ABLIM2: variants seen among roughly 807,000 people sequenced by gnomAD.
The protein encoded by ABLIM2 is actin binding LIM protein family member 2, also known as actin-binding LIM protein 2.
A neutral mutation model predicts 97.7 loss-of-function variants in ABLIM2; 53 were observed. The ratio of observed to expected loss-of-function variants is 0.54; its 90% CI spans 0.44 to 0.68. ABLIM2 has a LOEUF of 0.68. ABLIM2 is among the 30% of genes least tolerant of loss of function. ABLIM2 has a pLI of 0.00. For missense variants in ABLIM2, 835 were observed against 867.2 expected (o/e 0.96, Z 0.47); for synonymous variants, 361 against 345.8 (o/e 1.04, Z -0.49).
intron 3 of ABLIM2, among the ~76,000 whole-genome samples, chr4:8,093,300 C>G (rs1014600379): frequency 2.0e-5 from 3 of 152,228 alleles, no homozygotes; most frequent in Non-Finnish European, 4.4e-5. Context: ...ACATGGCACT[C>G]TCTGCCAGCT....
At position 8,127,437 on chromosome 4, in the gene ABLIM2, C is replaced by A; in HGVS notation, c.11-20800G>T. Reference sequence around the variant, plus strand: ...CTGGACCCGTCCTTTCCCACCAGACCCCTGAAGCTGATTCATGGAGCTCAC... The same window carrying A: ...CTGGACCCGTCCTTTCCCACCAGACACCTGAAGCTGATTCATGGAGCTCAC... On this transcript the variant is annotated intron_variant, in intron 1 of 20. Transcript: ENST00000447017. This position sits in a 1 kb window ranked among gnomAD's most constrained non-coding sequence, Gnocchi z 7.3. 4 of 1,239,034 alleles carry A rather than the reference C, an allele frequency of 3.2e-6. No homozygotes were observed. The highest frequency in any genetic ancestry group is 1.3e-5 in the South Asian group (1 of 77,714). 76.8% of individuals were successfully genotyped at this position (1,239,034 alleles called of 1,614,324 possible). A position where few individuals can be genotyped will look rare whatever the true frequency, so the allele number is the denominator to read the frequency against.
At chr4:8,092,693 AC>A (rs1158201319) in intron 3 of ABLIM2, among the ~76,000 whole-genome samples, 2 of 151,288 alleles carry the variant, frequency 1.3e-5, no homozygotes, top group African/African-American at 4.9e-5. Context: ...AGTGTCCCAA[AC>A]CCCCTTTGGA....
chr4:8,046,012 C>T lies in ABLIM2; in HGVS notation c.823-771G>A, dbSNP rs886367784. Among the ~76,000 whole-genome samples, 1 of 152,198 alleles carries T rather than the reference C, an allele frequency of 6.6e-6. No individual in the cohort carries two copies. Among genetic ancestry groups the T allele is most frequent in the Admixed American group, 6.5e-5 (1 of 15,286 alleles). The stretch of plus-strand genomic sequence containing the variant: ...CCTTTCTCAGCTCAAAGAGCACCTG[C>T]TCCCACCTGACACACAACTTAGAAA... On this transcript the variant is annotated intron_variant, in intron 8 of 20. Transcript: ENST00000447017. The surrounding 1 kb of genome is among the most constrained non-coding windows in gnomAD (Gnocchi z 4.4).
chr4:8,021,552 G>A lies in ABLIM2; in HGVS notation c.1268-1249C>T, dbSNP rs1210493601. 2.6e-5 allele frequency among the ~76,000 whole-genome samples: 4 copies of A among 152,196 alleles called. No homozygotes were observed. The highest frequency in any genetic ancestry group is 1.9e-4 in the East Asian group (1 of 5,180). On this transcript the variant is annotated intron_variant, in intron 12 of 20. Coordinates refer to ENST00000447017, the MANE Select transcript of ABLIM2 (RefSeq NM_001130083.2). This position sits in a 1 kb window ranked among gnomAD's most constrained non-coding sequence, Gnocchi z 5.5. ...GCCTTTCAGAGCAGCAGGACCCTGCGGTGACATCGAAATGAAACAGAAATA... is the reference window on the plus strand; with the variant it reads ...GCCTTTCAGAGCAGCAGGACCCTGCAGTGACATCGAAATGAAACAGAAATA...
rs919509657 is a variant in ABLIM2, at chr4:8,072,398, G to C, written c.675+5230C>G. Reference sequence around the variant, plus strand: ...AGGCAGAGCAGCCCCAGTTTGGGTGGGGTCTGCCCCCGACCCCAGGCCAGG... The same window carrying C: ...AGGCAGAGCAGCCCCAGTTTGGGTGCGGTCTGCCCCCGACCCCAGGCCAGG... On this transcript the variant is annotated intron_variant, in intron 6 of 20. Coordinates refer to ENST00000447017, the MANE Select transcript of ABLIM2 (RefSeq NM_001130083.2). The surrounding 1 kb of genome is among the most constrained non-coding windows in gnomAD (Gnocchi z 5.8). Among the ~76,000 whole-genome samples the C allele has an allele frequency of 3.3e-5, 5 of 152,202 alleles. No homozygotes were observed. The highest frequency in any genetic ancestry group is 7.3e-5 in the Non-Finnish European group (5 of 68,036).
intron 20 of ABLIM2, among the ~76,000 whole-genome samples, chr4:7,971,099 T>TAGGCTGAGTCTCCTA (rs1202070858): frequency 6.6e-6 from 1 of 152,116 alleles, no homozygotes; most frequent in Admixed American, 6.5e-5. Context: ...ACACCTCACC[T>TAGGCTGAGTCTCCTA]GGCTGAGTCT....
At chr4:7,980,409 G>C (rs191785889) in intron 20 of ABLIM2, among the ~76,000 whole-genome samples, 1 of 151,976 alleles carries the variant, frequency 6.6e-6, no homozygotes, top group Admixed American at 6.6e-5. Flanking sequence ...TATATTTTTT[G>C]GCATATTTTA....
In ABLIM2 at chr4:8,005,915, C is replaced by G. The variant is rs1042947166; in HGVS notation, c.1618+2144G>C. ...CCCCGGGGAATTCATGAGTGCAGCACGGGCCATTGGAGTCCTGCAGACCCA... is the reference window on the plus strand; with the variant it reads ...CCCCGGGGAATTCATGAGTGCAGCAGGGGCCATTGGAGTCCTGCAGACCCA... On this transcript the variant is annotated intron_variant, in intron 16 of 20. Transcript: ENST00000447017. The surrounding 1 kb of genome is among the most constrained non-coding windows in gnomAD (Gnocchi z 4.9). 1.3e-5 allele frequency among the ~76,000 whole-genome samples: 2 copies of G among 152,212 alleles called. No homozygotes were observed. The highest frequency in any genetic ancestry group is 2.9e-5 in the Non-Finnish European group (2 of 68,038).
rs929343197 is a variant in ABLIM2 at position 8,045,219 on chromosome 4, C to T, written c.845G>A (p.Ser282Asn). The stretch of plus-strand genomic sequence containing the variant: ...GCTGGAAGCAGGGACAGAAATGATG[C>T]TCTCTGAGGAAGTTCTGGTTTCCTG... ...RNKETRTSSE[S>N]IISVPASSTS... Residue 282 changes from serine to asparagine, a missense_variant, in exon 9 of 21, where the codon AGC (serine) becomes AAC (asparagine). Physicochemically the swap from Ser to Asn is conservative, Grantham distance 46. Transcript: ENST00000447017. 4.3e-6 allele frequency: 7 copies of T among 1,613,878 alleles called. No individual in the cohort carries two copies. In the African/African-American group the frequency reaches 6.7e-5, roughly 15 times the overall value.
intron 1 of ABLIM2, among the ~76,000 whole-genome samples, chr4:8,158,030 T>C (rs1323237302): frequency 6.6e-6 from 1 of 152,238 alleles, no homozygotes; most frequent in Non-Finnish European, 1.5e-5. Context: ...CTGTGGGATT[T>C]TTCCAGCCCC....
intron 6 of ABLIM2, among the ~76,000 whole-genome samples, chr4:8,076,930 G>A (rs534349901): frequency 1.1e-4 from 13 of 119,360 alleles, no homozygotes; most frequent in South Asian, 3.1e-4. Flanking sequence ...GCTACAGGGT[G>A]GGGGGGTCTG....
intron 12 of ABLIM2, among the ~76,000 whole-genome samples, chr4:8,026,460 G>A (rs1777405571): frequency 6.6e-6 from 1 of 152,270 alleles, no homozygotes; most frequent in African/African-American, 2.4e-5. Flanking sequence ...GGAGAGGTGT[G>A]CAGGTCTGAA....
intron 20 of ABLIM2, among the ~76,000 whole-genome samples, chr4:7,979,852 T>C (rs1212395338): frequency 6.6e-6 from 1 of 152,196 alleles, no homozygotes; most frequent in Admixed American, 6.5e-5. Context: ...AGGGTGGTCA[T>C]ATTACCTACT....
At chr4:8,078,283 C>T (rs148631558) in intron 5 of ABLIM2, among the ~76,000 whole-genome samples, 1 of 152,352 alleles carries the variant, frequency 6.6e-6, no homozygotes, top group South Asian at 2.1e-4. Flanking sequence ...GAGGCCTGGC[C>T]TTCCGCAGTG....
At position 8,054,161 on chromosome 4, in the gene ABLIM2, T is replaced by A. The variant is rs755922672; in HGVS notation, c.822+27A>T. The A allele has an allele frequency of 1.9e-6, 3 of 1,612,868 alleles. No homozygotes were observed. Among genetic ancestry groups the A allele is most frequent in the South Asian group, 1.1e-5 (1 of 91,064 alleles). On this transcript the variant is annotated intron_variant, in intron 8 of 20. Coordinates refer to ENST00000447017, the MANE Select transcript of ABLIM2 (RefSeq NM_001130083.2). The surrounding 1 kb of genome is among the most constrained non-coding windows in gnomAD (Gnocchi z 4.9). ...TGGTGCAGGAGCAGTGAAGGGTACA[T>A]CAGAGACACCAGTGAATGCCACCAA...
chr4:8,074,510 G>A (rs1305382076), intron 6 of ABLIM2, among the ~76,000 whole-genome samples: 1 of 152,062 alleles, frequency 6.6e-6, no homozygotes, highest in Admixed American at 6.6e-5. Context: ...ATTGGCAAAG[G>A]TTTAGAGGAG....
At chr4:7,978,347 T>C (rs1297582963) in intron 20 of ABLIM2, among the ~76,000 whole-genome samples, 2 of 152,226 alleles carry the variant, frequency 1.3e-5, no homozygotes, top group Non-Finnish European at 2.9e-5. Flanking sequence ...CTTGGAAATC[T>C]GAGTGATTAA....
At position 8,005,295 on chromosome 4, in the gene ABLIM2, G is replaced by A. The variant is rs377618325; in HGVS notation, c.1618+2764C>T. ...TGTCCCCCTCGGCGCCCCGCTCAGC[G>A]TCTGGCACAGAGTGGGTGCTCAATA... On this transcript the variant is annotated intron_variant, in intron 16 of 20. Transcript: ENST00000447017. The surrounding 1 kb of genome is among the most constrained non-coding windows in gnomAD (Gnocchi z 4.9). 4.3e-5 allele frequency: 23 copies of A among 529,894 alleles called. No homozygotes were observed. Among genetic ancestry groups the A allele is most frequent in the African/African-American group, 1.2e-4 (6 of 51,880 alleles). 32.8% of individuals were successfully genotyped at this position (529,894 alleles called of 1,614,324 possible).
chr4:8,114,800 G>C (rs1044348379), intron 1 of ABLIM2, among the ~76,000 whole-genome samples: 4 of 151,938 alleles, frequency 2.6e-5, no homozygotes, highest in South Asian at 2.1e-4. Context: ...GGCAGCCACC[G>C]CCCCGTCCCC....
Sources: gnomAD v4.1 joint callset for allele counts (sites outside exome capture counted in the v4.1 genomes callset) on GRCh38, gnomAD v4.1.1 for gene constraint, Gnocchi (gnomAD v3.1) non-coding constraint, MANE v1.5 for transcripts, NCBI Gene and HGNC (gene_info 2026-07-23, HGNC 2026-07-21) for gene names.